EXOC1: variants seen among roughly 807,000 people sequenced by gnomAD.
EXOC1 encodes exocyst complex component 1.
In EXOC1, 67 loss-of-function variants were observed where a neutral mutation model predicts 107.7. That is an observed-to-expected ratio of 0.62 (90% confidence interval 0.51 to 0.76). The LOEUF (loss-of-function observed/expected upper bound fraction) is 0.76, where lower values mean the gene tolerates loss of function less well. Ranked by LOEUF, EXOC1 falls within the 30% of genes least tolerant of loss-of-function variation. The pLI, the probability that EXOC1 is intolerant of heterozygous loss-of-function variation, is 0.00. For synonymous variants in EXOC1, 348 were observed against 353.5 expected (o/e 0.98, Z 0.17); for missense variants, 833 against 1,055.7 (o/e 0.79, Z 2.92).
intron 14 of EXOC1, among the ~76,000 whole-genome samples, chr4:55,893,176 C>T (rs1724782147): frequency 6.6e-6 from 1 of 152,128 alleles, no homozygotes; most frequent in Admixed American, 6.5e-5. Flanking sequence ...AATGCAATGG[C>T]GCCATCTCAG....
At chr4:55,902,588 G>T (rs746886082) in intron 18 of EXOC1, 50 bp downstream of exon 18, 1 of 1,362,136 alleles carries the variant, frequency 7.3e-7, no homozygotes, top group Non-Finnish European at 9.6e-7. Context: ...TACATATATT[G>T]CTTTTCTTTA....
intron 8 of EXOC1, chr4:55,875,765 A>G (rs775226341): frequency 1.8e-5 from 18 of 985,272 alleles, no homozygotes; most frequent in Non-Finnish European, 2.0e-5. Context: ...AGCGTGACCA[A>G]TTAAGGCACA....
At position 55,856,588 on chromosome 4, in the gene EXOC1, T is replaced by G. The variant is rs1367460056; in HGVS notation, c.-10-1726T>G. 5.9e-5 allele frequency among the ~76,000 whole-genome samples: 9 copies of G among 152,322 alleles called. No homozygotes were observed. In the East Asian group the frequency reaches 1.7e-3, roughly 29 times the overall value. On this transcript the variant is annotated intron_variant, in intron 1 of 18. Coordinates refer to ENST00000381295, the MANE Select transcript of EXOC1 (RefSeq NM_001024924.2). ...AAATCATTTATTTAAAAATCATGAT[T>G]TCTTCATTTTCCCATAGAAAGAAAT...
At chr4:55,875,566 A>AATGTCAATTAC in intron 8 of EXOC1, 1 of 984,542 alleles carries the variant, frequency 1.0e-6, no homozygotes, top group South Asian at 4.7e-5. Context: ...GTTACCTTGA[A>AATGTCAATTAC]CAAGTTAATT....
chr4:55,890,462 G>T, intron 12 of EXOC1, 76 bp downstream of exon 12: 2 of 1,275,536 alleles, frequency 1.6e-6, no homozygotes, highest in Non-Finnish European at 2.1e-6. Flanking sequence ...CTCTAAGTGT[G>T]TTCAAAGATT....
chr4:55,870,404 T>C (rs1190757656), intron 5 of EXOC1, among the ~76,000 whole-genome samples: 1 of 152,238 alleles, frequency 6.6e-6, no homozygotes, highest in East Asian at 1.9e-4. Flanking sequence ...TTCTGGAACC[T>C]TACTTGTGCA....
At chr4:55,903,778 C>T (rs1726286600) in intron 18 of EXOC1, among the ~76,000 whole-genome samples, 1 of 152,114 alleles carries the variant, frequency 6.6e-6, no homozygotes, top group Non-Finnish European at 1.5e-5. Context: ...TAATTGTCTA[C>T]ATATTAGCCT....
Position 55,866,292 on chromosome 4 carries a change from G to A in EXOC1, c.415+1906G>A, listed in dbSNP as rs543095639. On this transcript the variant is annotated intron_variant, in intron 4 of 18. Transcript: ENST00000381295. ...GTTTGTAAAAGAGGACTTTTCAGCA[G>A]TTGAAGTAGATTGAAGTTTTTATTT... Among the ~76,000 whole-genome samples the A allele has an allele frequency of 1.6e-4, 25 of 152,284 alleles. No individual in the cohort carries two copies. The South Asian group carries it at 3.7e-3, about 23-fold the overall frequency.
intron 5 of EXOC1, among the ~76,000 whole-genome samples, chr4:55,869,795 G>T (rs891029021): frequency 6.6e-6 from 1 of 152,186 alleles, no homozygotes; most frequent in African/African-American, 2.4e-5. Flanking sequence ...TGAAACCACA[G>T]CGTCAGCTGT....
chr4:55,888,771 G>A (rs972619429), intron 10 of EXOC1, 117 bp from the exon 11 acceptor site: 2 of 986,144 alleles, frequency 2.0e-6, no homozygotes, highest in Non-Finnish European at 3.1e-6. Flanking sequence ...GATGCTCATG[G>A]TTCTTTGCAT....
intron 12 of EXOC1, 145 bp downstream of exon 12, chr4:55,890,531 GAAAAA>G (rs34003680): frequency 4.3e-5 from 13 of 299,786 alleles, no homozygotes; most frequent in Non-Finnish European, 7.7e-5. Context: ...TCGAATCTGG[GAAAAA>G]AAAAAAAAAA....
chr4:55,856,096 C>A (rs1214494889), intron 1 of EXOC1, among the ~76,000 whole-genome samples: 1 of 152,168 alleles, frequency 6.6e-6, no homozygotes, highest in African/African-American at 2.4e-5. Flanking sequence ...AAGGAATCAT[C>A]AAATGAGGGA....
chr4:55,876,663 T>G, intron 8 of EXOC1: 1 of 985,414 alleles, frequency 1.0e-6, no homozygotes, highest in African/African-American at 1.7e-5. Context: ...CTTGTTATTT[T>G]GAACTGGTCA....
At chr4:55,855,365 A>G (rs1024904534) in intron 1 of EXOC1, among the ~76,000 whole-genome samples, 10 of 152,198 alleles carry the variant, frequency 6.6e-5, no homozygotes, top group African/African-American at 2.4e-4. Context: ...ATAAGGGAAT[A>G]GGGAAGCAAA....
chr4:55,903,014 C>T (rs887899752), intron 18 of EXOC1, among the ~76,000 whole-genome samples: 5 of 151,640 alleles, frequency 3.3e-5, no homozygotes, highest in African/African-American at 9.7e-5. Flanking sequence ...CATGGTGGCA[C>T]GTGCCTGTAG....
At chr4:55,882,767 T>A (rs1462398912) in intron 9 of EXOC1, 2 of 152,200 alleles carry the variant, frequency 1.3e-5, no homozygotes, top group African/African-American at 4.8e-5. Flanking sequence ...AAGGTATACC[T>A]GATCTTTAAA....
chr4:55,892,367 A>G (rs17086122), intron 13 of EXOC1, among the ~76,000 whole-genome samples: 4,750 of 151,942 alleles, frequency 0.031, 136 homozygotes, highest in Admixed American at 0.08. Context: ...AGCTTCCTGT[A>G]CCTCCCTACT....
chr4:55,868,574 G>A (rs560881722), intron 5 of EXOC1, 51 bp downstream of exon 5: 2 of 1,523,596 alleles, frequency 1.3e-6, no homozygotes, highest in East Asian at 2.3e-5. Context: ...GGATTGAGAA[G>A]GCTAATGATG....
intron 1 of EXOC1, among the ~76,000 whole-genome samples, chr4:55,856,827 T>C (rs1159427458): frequency 6.6e-6 from 1 of 152,206 alleles, no homozygotes; most frequent in Non-Finnish European, 1.5e-5. Context: ...TTATTGAGAT[T>C]ATGTATCATA....
Sources: gnomAD v4.1 joint callset for allele counts (sites outside exome capture counted in the v4.1 genomes callset) on GRCh38, gnomAD v4.1.1 for gene constraint, MANE v1.5 for transcripts, NCBI Gene and HGNC (gene_info 2026-07-23, HGNC 2026-07-21) for gene names.